Variants in RGS12 observed in about 807,000 individuals in gnomAD.
RGS12 encodes regulator of G-protein signaling 12.
RGS12 carries 66 observed loss-of-function variants against 120.1 expected under a neutral mutation model. That is an observed-to-expected ratio of 0.55 (90% CI 0.45 to 0.67). RGS12 has a LOEUF of 0.67. Ranked by LOEUF, RGS12 falls within the 30% of genes least tolerant of loss-of-function variation. The pLI, the probability that RGS12 is intolerant of heterozygous loss-of-function variation, is 0.00. For synonymous variants in RGS12, 827 were observed against 804.7 expected, an observed-to-expected ratio of 1.03 and a Z score of -0.47; for missense variants, 1,859 against 1,957.7, an observed-to-expected ratio of 0.95 and a Z score of 0.95.
At chr4:3,323,904 AGAG>A (rs1725380991) in intron 2 of RGS12, 1 of 136,012 alleles carries the variant, frequency 7.4e-6, no homozygotes, top group African/African-American at 3.0e-5. Flanking sequence ...AGAGAGAGAG[AGAG>A]AATGCCCCCT....
chr4:3,362,962 T>TG (rs1715862331), intron 3 of RGS12, among the ~76,000 whole-genome samples: 1 of 146,210 alleles, frequency 6.8e-6, no homozygotes, highest in Non-Finnish European at 1.5e-5. Context: ...TGCCAGTGTG[T>TG]GAAGGCATGT....
At chr4:3,402,501 ACAGGTCCC>A (rs1389330776) in intron 4 of RGS12, among the ~76,000 whole-genome samples, 1 of 152,162 alleles carries the variant, frequency 6.6e-6, no homozygotes, top group Admixed American at 6.5e-5. Flanking sequence ...CAGTGGAAGC[ACAGGTCCC>A]CAGGACTGTG....
At chr4:3,407,011 T>G (rs1721204207) in intron 4 of RGS12, among the ~76,000 whole-genome samples, 1 of 152,266 alleles carries the variant, frequency 6.6e-6, no homozygotes, top group Non-Finnish European at 1.5e-5. Context: ...TTTATATTTA[T>G]GGGACTAAAA....
intron 15 of RGS12, 142 bp from the exon 16 acceptor site, chr4:3,428,416 C>G (rs1265212163): frequency 1.2e-6 from 1 of 808,832 alleles, no homozygotes; most frequent in Non-Finnish European, 2.0e-6. Context: ...TAATCCTTAT[C>G]ATTGCAATGG....
chr4:3,411,817 C>T (rs564319532), intron 4 of RGS12, among the ~76,000 whole-genome samples: 2 of 152,384 alleles, frequency 1.3e-5, no homozygotes, highest in East Asian at 3.9e-4. Flanking sequence ...TCACATGGCC[C>T]CTGTCCTTCT....
chr4:3,309,950 G>A (rs1437768586), intron 1 of RGS12, among the ~76,000 whole-genome samples: 3 of 145,946 alleles, frequency 2.1e-5, no homozygotes, highest in East Asian at 2.1e-4. Flanking sequence ...CCGCTGAGGG[G>A]AACCGTGCAG....
chr4:3,351,797 G>T (rs945240374), intron 3 of RGS12, among the ~76,000 whole-genome samples: 3 of 152,116 alleles, frequency 2.0e-5, no homozygotes, highest in Non-Finnish European at 4.4e-5. Flanking sequence ...AGAAGACTTG[G>T]TGTGCCTCAA....
intron 1 of RGS12, among the ~76,000 whole-genome samples, chr4:3,305,040 A>G (rs1723898516): frequency 6.6e-6 from 1 of 152,214 alleles, no homozygotes; most frequent in Non-Finnish European, 1.5e-5. Context: ...AGGGTCGCTA[A>G]TATCGCTGTT....
intron 17 of RGS12, among the ~76,000 whole-genome samples, chr4:3,436,229 G>A (rs1416340098): frequency 3.9e-5 from 6 of 152,138 alleles, no homozygotes; most frequent in East Asian, 1.9e-4. Context: ...CGTGGGGTGC[G>A]CTGTGGTGGG....
chr4:3,336,599 C>T (rs1031771902), intron 2 of RGS12, among the ~76,000 whole-genome samples: 4 of 152,216 alleles, frequency 2.6e-5, no homozygotes, highest in Admixed American at 2.0e-4. Context: ...GGGGTGTAGT[C>T]GTGACCAGGA....
At chr4:3,415,152 C>T (rs1251383206) in intron 6 of RGS12, among the ~76,000 whole-genome samples, 4 of 108,404 alleles carry the variant, frequency 3.7e-5, no homozygotes, top group African/African-American at 7.4e-5. Context: ...GTGAGAGGGC[C>T]GCGTGTGTGT....
chr4:3,286,899 C>T, the RGS12 span, among the ~76,000 whole-genome samples: 3 of 152,218 alleles, frequency 2.0e-5, no homozygotes, highest in African/African-American at 4.8e-5. Context: ...CGACGCTGCT[C>T]CGGCAGGATT....
chr4:3,397,361 C>T (rs912960010), intron 4 of RGS12, among the ~76,000 whole-genome samples: 3 of 152,160 alleles, frequency 2.0e-5, no homozygotes, highest in South Asian at 4.1e-4. Context: ...TCAGGATGGC[C>T]GAGCAGAGCT....
chr4:3,431,947 G>A, intron 17 of RGS12: 1 of 985,484 alleles, frequency 1.0e-6, no homozygotes, highest in Non-Finnish European at 1.2e-6. Context: ...ACATATCTGG[G>A]CCTTTGGAGG....
upstream of RGS12, among the ~76,000 whole-genome samples, chr4:3,290,700 G>A (rs888507617): frequency 1.7e-4 from 26 of 152,362 alleles, no homozygotes; most frequent in African/African-American, 5.8e-4. Context: ...GCAGGTGCAC[G>A]CTTCTCCATG....
chr4:3,314,448 G>T (rs1724603152), intron 1 of RGS12: 1 of 152,100 alleles, frequency 6.6e-6, no homozygotes, highest in African/African-American at 2.4e-5. Flanking sequence ...TGTCACCCAG[G>T]CTGGAGTGCA....
At chr4:3,357,485 A>G (rs1437756023) in intron 3 of RGS12, among the ~76,000 whole-genome samples, 1 of 152,080 alleles carries the variant, frequency 6.6e-6, no homozygotes, top group Non-Finnish European at 1.5e-5. Context: ...TTTTCTTCTA[A>G]GTTTTATAGT....
chr4:3,389,386 T>G lies in RGS12; in HGVS notation c.2020+2949T>G. Among the ~76,000 whole-genome samples the G allele has an allele frequency of 6.6e-6, 1 of 152,068 alleles. No individual in the cohort carries two copies. The highest frequency in any genetic ancestry group is 1.9e-4 in the East Asian group (1 of 5,182). ...ATTATAGAGAGGCTTAGCAGGGGAA[T>G]GGTCTGCCTTGTGGGAAGTTATTCA... On this transcript the variant is annotated intron_variant, in intron 4 of 17. Coordinates refer to ENST00000336727, the MANE Select transcript of RGS12 (RefSeq NM_001394154.1). The surrounding 1 kb of genome is among the most constrained non-coding windows in gnomAD (Gnocchi z 5.2).
intron 9 of RGS12, chr4:3,418,259 A>G (rs743714): frequency 0.64 from 96,864 of 152,264 alleles, 31,375 homozygotes; most frequent in East Asian, 0.81. Flanking sequence ...TGGTTTTGGC[A>G]GGTGGCAGGG....
Sources: gnomAD v4.1 joint callset for allele counts (sites outside exome capture counted in the v4.1 genomes callset) on GRCh38, gnomAD v4.1.1 for gene constraint, Gnocchi (gnomAD v3.1) non-coding constraint, MANE v1.5 for transcripts, NCBI Gene and HGNC (gene_info 2026-07-23, HGNC 2026-07-21) for gene names.